SPEM2: variants seen among roughly 807,000 people sequenced by gnomAD.
SPEM2 encodes SPEM family member 2.
SPEM2 carries 15 observed loss-of-function variants against 9.3 expected under a neutral mutation model. The observed-to-expected ratio is 1.62, with a 90% CI of 1.08 to 2.50. The LOEUF is 2.50. Among genes scored for constraint, SPEM2 ranks in the 30% most tolerant of loss-of-function variants. The pLI is 0.00. For missense variants in SPEM2, 678 were observed against 690.0 expected, an observed-to-expected ratio of 0.98 and a Z score of 0.19; for synonymous variants, 268 against 272.4, an observed-to-expected ratio of 0.98 and a Z score of 0.16.
Position 7,427,014 on chromosome 17 carries a change from G to A in SPEM2, c.1023G>A (p.Glu341=). The stretch of plus-strand genomic sequence containing the variant: ...GGCCTGAGGCCCAGGGCTGCCGGGA[G>A]CACCACTCCCCACAGTCCCACCAGC... ...NARPEAQGCR[E]HHSPQSHQQS... is the part of the protein sequence containing the mutation. The change falls in exon 3 of 3, where the codon GAG becomes GAA. Residue 341 remains glutamate (E), a synonymous_variant. Transcript: ENST00000333870. The surrounding 1 kb of genome is among the most constrained non-coding windows in gnomAD (Gnocchi z 5.4). The A allele has an allele frequency of 6.2e-7, 1 of 1,611,608 alleles. No individual in the cohort carries two copies. The highest frequency in any genetic ancestry group is 8.5e-7 in the Non-Finnish European group (1 of 1,179,878).
Position 7,425,673 on chromosome 17 carries a change from C to G in SPEM2, c.-16C>G, listed in dbSNP as rs964324073. On this transcript the variant is annotated 5_prime_UTR_variant, in exon 1 of 3. Coordinates refer to ENST00000333870, the MANE Select transcript of SPEM2 (RefSeq NM_175734.5). Reference sequence around the variant, plus strand: ...GCAGAGGGGGGTGGCCCAGGTGGCCCTAGGACCCCCCCTCCATGGAAAACC... The same window carrying G: ...GCAGAGGGGGGTGGCCCAGGTGGCCGTAGGACCCCCCCTCCATGGAAAACC... 3 of 1,612,094 alleles carry G rather than the reference C, an allele frequency of 1.9e-6. No homozygotes were observed. In the African/African-American group the frequency reaches 4.0e-5, roughly 22 times the overall value.
Position 7,427,349 on chromosome 17 carries a change from G to A in SPEM2, c.1358G>A (p.Gly453Glu). Reference sequence around the variant, plus strand: ...TTTGTCCCACTCAGCCGGAATCCAGGGGGCAATGCCAACTACCAGGTGTAC... The same window carrying A: ...TTTGTCCCACTCAGCCGGAATCCAGAGGGCAATGCCAACTACCAGGTGTAC... Reference protein sequence around the residue: ...TMFVPLSRNPGGNANYQVYDS... With the variant: ...TMFVPLSRNPEGNANYQVYDS... The change falls in exon 3 of 3, where the codon GGG (glycine) becomes GAG (glutamate). Residue 453 changes from glycine to glutamate, a missense_variant. Gly to Glu is a moderately conservative substitution (Grantham distance 98). Coordinates refer to ENST00000333870, the MANE Select transcript of SPEM2 (RefSeq NM_175734.5). This position sits in a 1 kb window ranked among gnomAD's most constrained non-coding sequence, Gnocchi z 5.4. 1 of 1,614,106 alleles carries A rather than the reference G, an allele frequency of 6.2e-7. No individual in the cohort carries two copies. Among genetic ancestry groups the A allele is most frequent in the Non-Finnish European group, 8.5e-7 (1 of 1,180,014 alleles).
rs1359508248 is a variant in SPEM2 at position 7,426,599 on chromosome 17, G to A, written c.608G>A (p.Trp203Ter). 5 of 1,614,056 alleles carry A rather than the reference G, an allele frequency of 3.1e-6. No individual in the cohort carries two copies. The highest frequency in any genetic ancestry group is 2.2e-5 in the East Asian group (1 of 44,900). Residue 203 changes from tryptophan to a stop codon, truncating the protein, a stop_gained, in exon 3 of 3, where the codon TGG becomes TAG. Transcript: ENST00000333870. LOFTEE classifies it low-confidence loss of function (END_TRUNC). This position sits in a 1 kb window ranked among gnomAD's most constrained non-coding sequence, Gnocchi z 5.3. ...TATCCCAAGTACCCACGTCGCGGCT[G>A]GGGCGGGTTTTATCAGAGAGCGGGC... is the stretch of plus-strand genomic sequence containing the variant. Reference protein sequence around the residue: ...FPYPKYPRRGWGGFYQRAGLP... With the variant: ...FPYPKYPRRG
In SPEM2 at chr17:7,425,991, A is replaced by G. The variant is rs930203884; in HGVS notation, c.139-2A>G. Reference sequence around the variant, plus strand: ...CCTTCACTCTCTTCCACCCTGCCCCAGATGTGGCATGGACTCCAGAACGCC... The same window carrying G: ...CCTTCACTCTCTTCCACCCTGCCCCGGATGTGGCATGGACTCCAGAACGCC... On this transcript the variant is annotated splice_acceptor_variant, in intron 1 of 2. Transcript: ENST00000333870. LOFTEE classifies it high-confidence loss of function. 1.2e-6 allele frequency: 2 copies of G among 1,614,162 alleles called. No homozygotes were observed. The highest frequency in any genetic ancestry group is 1.7e-6 in the Non-Finnish European group (2 of 1,180,010).
chr17:7,426,358 T>C lies in SPEM2; in HGVS notation c.367T>C (p.Cys123Arg), dbSNP rs1341493511. 1 of 1,613,978 alleles carries C rather than the reference T, an allele frequency of 6.2e-7. No individual in the cohort carries two copies. Among genetic ancestry groups the C allele is most frequent in the Non-Finnish European group, 8.5e-7 (1 of 1,180,034 alleles). Residue 123 changes from cysteine (C) to arginine (R), a missense_variant, in exon 3 of 3, where the codon TGT becomes CGT. Cys to Arg is a radical substitution (Grantham distance 180). Transcript: ENST00000333870. This position sits in a 1 kb window ranked among gnomAD's most constrained non-coding sequence, Gnocchi z 5.3. ...SNHHSSSLLRCVRRRRRRHRR... is the reference protein window; with the variant it reads ...SNHHSSSLLRRVRRRRRRHRR... ...CCATCACAGTAGCAGTCTTCTTCGC[T>C]GTGTTCGTCGCCGCCGCCGCCGCCA...
chr17:7,425,903 C>T, intron 1 of SPEM2, 77 bp downstream of exon 1: 2 of 1,611,610 alleles, frequency 1.2e-6, no homozygotes, highest in South Asian at 1.1e-5. Flanking sequence ...ACATCTCCAC[C>T]TGCAGGTGCG....
At position 7,427,057 on chromosome 17, in the gene SPEM2, G is replaced by A. The variant is rs760864669; in HGVS notation, c.1066G>A (p.Ala356Thr). The change falls in exon 3 of 3, where the codon GCC becomes ACC. Residue 356 changes from alanine (A) to threonine (T), a missense_variant. Coordinates refer to ENST00000333870, the MANE Select transcript of SPEM2 (RefSeq NM_175734.5). This position sits in a 1 kb window ranked among gnomAD's most constrained non-coding sequence, Gnocchi z 5.4. Reference protein sequence around the residue: ...QSHQQSLLGHAYGQSHRSPHP... With the variant: ...QSHQQSLLGHTYGQSHRSPHP... ...CCACCAGCAGAGCCTGCTTGGTCAC[G>A]CCTATGGCCAGTCCCACCGCAGTCC... is the stretch of plus-strand genomic sequence containing the variant. The A allele has an allele frequency of 9.9e-6, 16 of 1,612,562 alleles. No individual in the cohort carries two copies. Among genetic ancestry groups the A allele is most frequent in the Non-Finnish European group, 1.4e-5 (16 of 1,179,890 alleles).
rs755314945 is a variant in SPEM2 at position 7,426,928 on chromosome 17, C to T, written c.937C>T (p.Gln313Ter). The T allele has an allele frequency of 1.2e-6, 2 of 1,613,244 alleles. No homozygotes were observed. The highest frequency in any genetic ancestry group is 1.1e-5 in the South Asian group (1 of 91,084). Residue 313 changes from glutamine (Q) to a stop codon, truncating the protein, a stop_gained, in exon 3 of 3, where the codon CAG (glutamine) becomes TAG (stop). Coordinates refer to ENST00000333870, the MANE Select transcript of SPEM2 (RefSeq NM_175734.5). LOFTEE classifies it low-confidence loss of function (END_TRUNC). The surrounding 1 kb of genome is among the most constrained non-coding windows in gnomAD (Gnocchi z 5.3). ...CTGGATGCTGTATGACTCCTGGGAT[C>T]AGCGGCGTCGTGGCACGGAGGGCTT... ...VGWMLYDSWD[Q>*]RRRGTEGFER...
chr17:7,426,409 A>G lies in SPEM2; in HGVS notation c.418A>G (p.Asn140Asp). 2 of 1,613,612 alleles carry G rather than the reference A, an allele frequency of 1.2e-6. No individual in the cohort carries two copies. Among genetic ancestry groups the G allele is most frequent in the Non-Finnish European group, 8.5e-7 (1 of 1,179,990 alleles). ...RHRRCRRRCC[N>D]HQQRPQNYRQ... Reference sequence around the variant, plus strand: ...CCGCCGTTGTCGCCGTCGCTGCTGCAACCACCAGCAGCGGCCGCAGAACTA... The same window carrying G: ...CCGCCGTTGTCGCCGTCGCTGCTGCGACCACCAGCAGCGGCCGCAGAACTA... The change falls in exon 3 of 3, where the codon AAC becomes GAC. Residue 140 changes from asparagine (N) to aspartate (D), a missense_variant. Asn to Asp is a conservative substitution (Grantham distance 23). Coordinates refer to ENST00000333870, the MANE Select transcript of SPEM2 (RefSeq NM_175734.5). This position sits in a 1 kb window ranked among gnomAD's most constrained non-coding sequence, Gnocchi z 5.3.
rs201598699 is a variant in SPEM2 at position 7,427,298 on chromosome 17, C to T, written c.1307C>T (p.Ala436Val). 7.6e-5 allele frequency: 123 copies of T among 1,613,936 alleles called. No homozygotes were observed. The highest frequency in any genetic ancestry group is 1.2e-4 in the African/African-American group (9 of 74,942). ...SSQPWPKVQA[A>V]DPAPPPTMFV... ...CAGCCCTGGCCCAAAGTCCAGGCTG[C>T]GGACCCTGCCCCTCCCCCGACCATG... The change falls in exon 3 of 3, where the codon GCG (alanine) becomes GTG (valine). Residue 436 changes from alanine (A) to valine (V), a missense_variant. Transcript: ENST00000333870. The surrounding 1 kb of genome is among the most constrained non-coding windows in gnomAD (Gnocchi z 5.4).
rs996693465 is a variant in SPEM2 at position 7,426,110 on chromosome 17, G to A, written c.196+60G>A. The A allele has an allele frequency of 2.2e-5, 35 of 1,613,662 alleles. No individual in the cohort carries two copies. The highest frequency in any genetic ancestry group is 2.9e-5 in the Non-Finnish European group (34 of 1,179,630). ...ATCCCCACCCCTGACAATGGCCCTA[G>A]AAACCCAGGCCCCAGTGTTCCCAAC... is the stretch of plus-strand genomic sequence containing the variant. On this transcript the variant is annotated intron_variant, in intron 2 of 2. Coordinates refer to ENST00000333870, the MANE Select transcript of SPEM2 (RefSeq NM_175734.5). This position sits in a 1 kb window ranked among gnomAD's most constrained non-coding sequence, Gnocchi z 5.3.
Position 7,427,417 on chromosome 17 carries a change from A to G in SPEM2, c.1426A>G (p.Arg476Gly). ...LKRQVQKSRA[R>G]SSSLPPASTS... Reference sequence around the variant, plus strand: ...GCGGCAGGTGCAGAAGAGCAGAGCCAGGTCCAGCTCACTGCCACCGGCTTC... The same window carrying G: ...GCGGCAGGTGCAGAAGAGCAGAGCCGGGTCCAGCTCACTGCCACCGGCTTC... Residue 476 changes from arginine (R) to glycine (G), a missense_variant, in exon 3 of 3, where the codon AGG becomes GGG. By Grantham distance (125) the Arg-to-Gly change is moderately radical. Transcript: ENST00000333870. This position sits in a 1 kb window ranked among gnomAD's most constrained non-coding sequence, Gnocchi z 5.4. The G allele has an allele frequency of 6.2e-7, 1 of 1,612,640 alleles. No individual in the cohort carries two copies.
rs777522039 is a variant in SPEM2, at chr17:7,425,988, C to A, written c.139-5C>A. The A allele has an allele frequency of 3.1e-6, 5 of 1,614,138 alleles. No individual in the cohort carries two copies. Among genetic ancestry groups the A allele is most frequent in the Non-Finnish European group, 4.2e-6 (5 of 1,180,016 alleles). Reference sequence around the variant, plus strand: ...TGGCCTTCACTCTCTTCCACCCTGCCCCAGATGTGGCATGGACTCCAGAAC... The same window carrying A: ...TGGCCTTCACTCTCTTCCACCCTGCACCAGATGTGGCATGGACTCCAGAAC... On this transcript the variant is annotated splice_polypyrimidine_tract_variant and splice_region_variant and intron_variant, in intron 1 of 2. Transcript: ENST00000333870.
Position 7,426,122 on chromosome 17 carries a change from CCA to C in SPEM2, c.197-65_197-64del, listed in dbSNP as rs1404092271. On this transcript the variant is annotated intron_variant, in intron 2 of 2. Transcript: ENST00000333870. This position sits in a 1 kb window ranked among gnomAD's most constrained non-coding sequence, Gnocchi z 5.3. The stretch of plus-strand genomic sequence containing the variant: ...GACAATGGCCCTAGAAACCCAGGCC[CCA>C]GTGTTCCCAACCTTGAGCTCTTCTG... 1.2e-6 allele frequency: 2 copies of C among 1,613,544 alleles called. No homozygotes were observed. Among genetic ancestry groups the C allele is most frequent in the African/African-American group, 2.7e-5 (2 of 74,872 alleles).
chr17:7,426,971 C>T lies in SPEM2; in HGVS notation c.980C>T (p.Ser327Leu), dbSNP rs78371599. 0.033 allele frequency: 52,727 copies of T among 1,611,864 alleles called. 982 individuals are homozygous for T. The highest frequency in any genetic ancestry group is 0.036 in the Non-Finnish European group (42,611 of 1,179,772). The change falls in exon 3 of 3, where the codon TCG becomes TTG. Residue 327 changes from serine to leucine, a missense_variant. Transcript: ENST00000333870. The surrounding 1 kb of genome is among the most constrained non-coding windows in gnomAD (Gnocchi z 5.3). Reference sequence around the variant, plus strand: ...GAGGGCTTTGAGCGCCCCCCTGCCTCGGTGTCCCGGAACGCCCGGCCTGAG... The same window carrying T: ...GAGGGCTTTGAGCGCCCCCCTGCCTTGGTGTCCCGGAACGCCCGGCCTGAG... Reference protein sequence around the residue: ...GTEGFERPPASVSRNARPEAQ... With the variant: ...GTEGFERPPALVSRNARPEAQ...
At position 7,425,796 on chromosome 17, in the gene SPEM2, T is replaced by C; in HGVS notation, c.108T>C (p.Leu36=). 1 of 1,614,220 alleles carries C rather than the reference T, an allele frequency of 6.2e-7. No homozygotes were observed. The highest frequency in any genetic ancestry group is 8.5e-7 in the Non-Finnish European group (1 of 1,180,018). The stretch of plus-strand genomic sequence containing the variant: ...TCCTGCTGCTGGGCCTCATCGTTCT[T>C]GTCAACATTGGCATCAACGTGGCAA... ...ILLLLLGLIV[L]VNIGINVATM... Residue 36 remains leucine, a synonymous_variant, in exon 1 of 3, where the codon CTT becomes CTC. Coordinates refer to ENST00000333870, the MANE Select transcript of SPEM2 (RefSeq NM_175734.5).
Position 7,426,802 on chromosome 17 carries a change from G to A in SPEM2, c.811G>A (p.Val271Met), listed in dbSNP as rs747327543. 1.9e-6 allele frequency: 3 copies of A among 1,605,436 alleles called. No individual in the cohort carries two copies. The highest frequency in any genetic ancestry group is 1.3e-5 in the African/African-American group (1 of 74,926). The change falls in exon 3 of 3, where the codon GTG becomes ATG. Residue 271 changes from valine (V) to methionine (M), a missense_variant. Coordinates refer to ENST00000333870, the MANE Select transcript of SPEM2 (RefSeq NM_175734.5). The surrounding 1 kb of genome is among the most constrained non-coding windows in gnomAD (Gnocchi z 5.3). ...TTCCCAATCCCGACTGTGGGGCAAT[G>A]TGGAGGCTGAGCAGTGGGCCTCGTC... ...HGSQSRLWGN[V>M]EAEQWASSPP...
Position 7,426,586 on chromosome 17 carries a change from C to G in SPEM2, c.595C>G (p.Pro199Ala). 6.2e-7 allele frequency: 1 copy of G among 1,614,154 alleles called. No homozygotes were observed. Among genetic ancestry groups the G allele is most frequent in the Non-Finnish European group, 8.5e-7 (1 of 1,179,990 alleles). Residue 199 changes from proline to alanine, a missense_variant, in exon 3 of 3, where the codon CCA (proline) becomes GCA (alanine). Coordinates refer to ENST00000333870, the MANE Select transcript of SPEM2 (RefSeq NM_175734.5). This position sits in a 1 kb window ranked among gnomAD's most constrained non-coding sequence, Gnocchi z 5.3. Reference protein sequence around the residue: ...DNLPFPYPKYPRRGWGGFYQR... With the variant: ...DNLPFPYPKYARRGWGGFYQR... ...CCTGCCCTTCCCGTATCCCAAGTAC[C>G]CACGTCGCGGCTGGGGCGGGTTTTA...
rs376049395 is a variant in SPEM2, at chr17:7,427,445, C to A, written c.1454C>A (p.Thr485Asn). 7 of 1,605,482 alleles carry A rather than the reference C, an allele frequency of 4.4e-6. No homozygotes were observed. Among genetic ancestry groups the A allele is most frequent in the Non-Finnish European group, 8.5e-7 (1 of 1,174,854 alleles). Reference protein sequence around the residue: ...ARSSSLPPASTSTLRPSLHRS... With the variant: ...ARSSSLPPASNSTLRPSLHRS... ...TCCAGCTCACTGCCACCGGCTTCCA[C>A]CTCCACCTTGAGGCCCTCTCTGCAC... Residue 485 changes from threonine to asparagine, a missense_variant, in exon 3 of 3, where the codon ACC becomes AAC. By Grantham distance (65) the Thr-to-Asn change is moderately conservative. Transcript: ENST00000333870. This position sits in a 1 kb window ranked among gnomAD's most constrained non-coding sequence, Gnocchi z 5.4.
Sources: allele counts gnomAD v4.1 joint callset, GRCh38; gene constraint gnomAD v4.1.1; non-coding constraint Gnocchi (gnomAD v3.1); transcripts MANE v1.5; gene names NCBI Gene and HGNC (gene_info 2026-07-23, HGNC 2026-07-21).